The following SEMA6A variants were observed in gnomAD, a reference collection of about 807,000 sequenced individuals.
SEMA6A encodes semaphorin-6A.
SEMA6A carries 25 observed loss-of-function variants against 96.8 expected under a neutral mutation model. That is an observed-to-expected ratio of 0.26 (90% confidence interval 0.19 to 0.36). The LOEUF is 0.36. Among genes scored for constraint, SEMA6A ranks in the 10% least tolerant of loss-of-function variants. The pLI is 1.00. For missense variants in SEMA6A, 1,363 were observed against 1,323.1 expected, an observed-to-expected ratio of 1.03 and a Z score of -0.47; for synonymous variants, 612 against 518.0, an observed-to-expected ratio of 1.18 and a Z score of -2.46.
rs1282549833 is a variant in SEMA6A at position 116,488,868 on chromosome 5, T to C, written c.655+20A>G. On this transcript the variant is annotated intron_variant, in intron 8 of 18. Coordinates refer to ENST00000343348, the MANE Select transcript of SEMA6A (RefSeq NM_020796.5). ...TATTCCCCTCCCCTCCGACCCTCCT[T>C]CTTTTAATTGTTTGTTCACCTTTCA... 2 of 1,548,938 alleles carry C rather than the reference T, an allele frequency of 1.3e-6. No homozygotes were observed. Among genetic ancestry groups the C allele is most frequent in the Non-Finnish European group, 8.7e-7 (1 of 1,145,332 alleles).
intron 13 of SEMA6A, 61 bp from the exon 14 acceptor site, chr5:116,478,215 C>G: frequency 1.3e-6 from 2 of 1,562,698 alleles, no homozygotes; most frequent in African/African-American, 1.4e-5. Context: ...CGGCCCCACC[C>G]TCACATCCCA....
chr5:116,503,222 G>A (rs768336574), intron 2 of SEMA6A, among the ~76,000 whole-genome samples: 1 of 152,110 alleles, frequency 6.6e-6, no homozygotes, highest in Non-Finnish European at 1.5e-5. Context: ...AGAGGGGTGG[G>A]GGTGTAAATG....
intron 1 of SEMA6A, among the ~76,000 whole-genome samples, chr5:116,555,667 C>T (rs532356415): frequency 6.6e-6 from 1 of 151,174 alleles, no homozygotes; most frequent in South Asian, 2.1e-4. Context: ...GGCAAGACCC[C>T]CCCTCAAAAA....
intron 17 of SEMA6A, among the ~76,000 whole-genome samples, chr5:116,469,730 C>T (rs1316629383): frequency 6.6e-6 from 1 of 152,178 alleles, no homozygotes; most frequent in Admixed American, 6.5e-5. Context: ...ATACGGTAAT[C>T]TAGGGGAAAT....
chr5:116,469,978 A>G (rs1756014750), intron 17 of SEMA6A, among the ~76,000 whole-genome samples: 1 of 152,224 alleles, frequency 6.6e-6, no homozygotes, highest in Non-Finnish European at 1.5e-5. Flanking sequence ...AATCTAGAGA[A>G]ACCATGCATC....
At chr5:116,449,663 T>C (rs1754500820) in intron 18 of SEMA6A, 1 of 273,234 alleles carries the variant, frequency 3.7e-6, no homozygotes, top group African/African-American at 2.2e-5. Context: ...TCACAGTTGG[T>C]TGCTGTGGAA....
chr5:116,556,736 C>G (rs1760624777), intron 1 of SEMA6A, among the ~76,000 whole-genome samples: 1 of 152,166 alleles, frequency 6.6e-6, no homozygotes, highest in South Asian at 2.1e-4. Context: ...GTGTGTAGCG[C>G]TAATATGATT....
intron 18 of SEMA6A, among the ~76,000 whole-genome samples, chr5:116,461,139 G>A (rs1410760088): frequency 6.6e-6 from 1 of 152,010 alleles, no homozygotes; most frequent in African/African-American, 2.4e-5. Context: ...AATTTCTTAC[G>A]AACTTTGAAG....
chr5:116,482,154 C>T (rs1756810291), intron 11 of SEMA6A, among the ~76,000 whole-genome samples: 2 of 152,300 alleles, frequency 1.3e-5, no homozygotes, highest in South Asian at 2.1e-4. Flanking sequence ...TACCCTTTAC[C>T]TCTCCAGGCC....
chr5:116,500,199 G>A (rs1325754753), intron 3 of SEMA6A, among the ~76,000 whole-genome samples: 1 of 152,142 alleles, frequency 6.6e-6, no homozygotes, highest in African/African-American at 2.4e-5. Flanking sequence ...ATGTTCTTGG[G>A]CAACAGCTAT....
At chr5:116,455,779 TG>T (rs1330419115) in intron 18 of SEMA6A, among the ~76,000 whole-genome samples, 1 of 152,194 alleles carries the variant, frequency 6.6e-6, no homozygotes, top group East Asian at 1.9e-4. Context: ...TGGGTGTTAC[TG>T]GTTAAGAACA....
intron 17 of SEMA6A, chr5:116,472,518 A>G (rs1756208120): frequency 5.7e-6 from 1 of 176,900 alleles, no homozygotes; most frequent in Admixed American, 6.0e-5. Flanking sequence ...GGGGATGGTG[A>G]ACTGTATCAG....
chr5:116,468,520 A>C (rs1431395079), intron 17 of SEMA6A: 1 of 152,236 alleles, frequency 6.6e-6, no homozygotes, highest in Non-Finnish European at 1.5e-5. Context: ...TAGATTTCTG[A>C]GGTTCAGATA....
chr5:116,511,347 A>G (rs1017366051), intron 1 of SEMA6A, among the ~76,000 whole-genome samples: 8 of 152,216 alleles, frequency 5.3e-5, no homozygotes, highest in African/African-American at 1.9e-4. Context: ...AAAAATTTCT[A>G]TCAGCGGTTG....
chr5:116,510,005 T>G (rs1758334005), intron 1 of SEMA6A, among the ~76,000 whole-genome samples: 1 of 152,092 alleles, frequency 6.6e-6, no homozygotes, highest in South Asian at 2.1e-4. Flanking sequence ...ATAATCAGCG[T>G]GTCAATGTGT....
intron 1 of SEMA6A, among the ~76,000 whole-genome samples, chr5:116,546,630 T>C (rs1357495592): frequency 1.3e-5 from 2 of 152,202 alleles, no homozygotes; most frequent in Non-Finnish European, 2.9e-5. Flanking sequence ...GGCTTTAAGA[T>C]TACTTGCCAA....
intron 1 of SEMA6A, among the ~76,000 whole-genome samples, chr5:116,534,585 AT>A (rs1759629411): frequency 6.6e-6 from 1 of 152,174 alleles, no homozygotes; most frequent in African/African-American, 2.4e-5. Context: ...CTTTGACCAA[AT>A]CATCATCTAT....
chr5:116,551,609 GTGA>G (rs1033323360), intron 1 of SEMA6A, among the ~76,000 whole-genome samples: 5 of 152,152 alleles, frequency 3.3e-5, no homozygotes, highest in Non-Finnish European at 4.4e-5. Flanking sequence ...CAGCTAGAGA[GTGA>G]TGGATTTGAA....
intron 1 of SEMA6A, among the ~76,000 whole-genome samples, chr5:116,520,762 G>A (rs1392000863): frequency 6.6e-6 from 1 of 152,166 alleles, no homozygotes; most frequent in African/African-American, 2.4e-5. Flanking sequence ...CAGGAATTTA[G>A]ACGCAGGATG....
Sources: allele counts gnomAD v4.1 joint callset (sites outside exome capture counted in the v4.1 genomes callset), GRCh38; gene constraint gnomAD v4.1.1; transcripts MANE v1.5; gene names NCBI Gene and HGNC (gene_info 2026-07-23, HGNC 2026-07-21).